FRMPD4: variants seen among roughly 807,000 people sequenced by gnomAD.
The protein encoded by FRMPD4 is FERM and PDZ domain-containing protein 4.
FRMPD4 carries 22 observed loss-of-function variants against 94.1 expected under a neutral mutation model. The ratio of observed to expected loss-of-function variants is 0.23; its 90% CI spans 0.17 to 0.33. FRMPD4 has a LOEUF of 0.33. FRMPD4 is among the 10% of genes least tolerant of loss of function. FRMPD4 has a pLI of 1.00. For missense variants in FRMPD4, 1,111 were observed against 1,339.9 expected (o/e 0.83, Z 2.67); for synonymous variants, 631 against 548.6 (o/e 1.15, Z -2.10).
At chrX:11,875,784 C>A (rs777034577) in intron 2 of FRMPD4, among the ~76,000 whole-genome samples, 1 of 110,727 alleles carries the variant, frequency 9.0e-6, no homozygotes, top group Non-Finnish European at 1.9e-5. Context: ...GACCCCCCTA[C>A]ACTAATCTCC....
At chrX:12,307,169 A>G (rs1743830568) in intron 1 of FRMPD4, among the ~76,000 whole-genome samples, 1 of 112,388 alleles carries the variant, frequency 8.9e-6, no homozygotes, top group Non-Finnish European at 1.9e-5. Flanking sequence ...GAAAGCCAGC[A>G]AGAAGCCATT....
chrX:11,995,072 A>AAC (rs3038254), intron 3 of FRMPD4, among the ~76,000 whole-genome samples: 9,006 of 111,454 alleles, frequency 0.081, 332 homozygotes, highest in East Asian at 0.24. Flanking sequence ...TTTCTATCAA[A>AAC]ACAGCTTGAA....
chrX:12,620,528 G>A (rs984476166), intron 4 of FRMPD4, among the ~76,000 whole-genome samples: 5 of 112,203 alleles, frequency 4.5e-5, no homozygotes, highest in African/African-American at 1.6e-4. Flanking sequence ...GTAACAGGCC[G>A]ATGATCTGTG....
chrX:12,356,266 A>C (rs1246153547), intron 1 of FRMPD4, among the ~76,000 whole-genome samples: 2 of 112,217 alleles, frequency 1.8e-5, no homozygotes, highest in Non-Finnish European at 3.8e-5. Context: ...CCATCTCCAA[A>C]TATGTCAAAG....
chrX:11,877,531 C>T (rs1368675854), intron 2 of FRMPD4, among the ~76,000 whole-genome samples: 1 of 112,042 alleles, frequency 8.9e-6, no homozygotes, highest in Non-Finnish European at 1.9e-5. Flanking sequence ...TCAGAGGGGT[C>T]AGCACAGAAC....
intron 1 of FRMPD4, among the ~76,000 whole-genome samples, chrX:11,855,122 G>A (rs758014265): frequency 4.4e-5 from 5 of 112,825 alleles, no homozygotes; most frequent in Non-Finnish European, 7.5e-5. Flanking sequence ...CTAAGGCTTG[G>A]TGCTTGCACC....
intron 1 of FRMPD4, among the ~76,000 whole-genome samples, chrX:12,206,079 T>C (rs2056689069): frequency 8.9e-6 from 1 of 112,188 alleles, no homozygotes; most frequent in Non-Finnish European, 1.9e-5. Flanking sequence ...TAAACCAAGA[T>C]AAACCTGGTG....
At chrX:11,847,582 C>T (rs961457954) in intron 1 of FRMPD4, among the ~76,000 whole-genome samples, 3 of 107,723 alleles carry the variant, frequency 2.8e-5, no homozygotes, top group Non-Finnish European at 5.7e-5. Context: ...CACATGCACA[C>T]GTATGTTTAT....
chrX:12,413,887 G>C (rs1386076007), intron 1 of FRMPD4, among the ~76,000 whole-genome samples: 3 of 111,965 alleles, frequency 2.7e-5, no homozygotes, highest in African/African-American at 9.7e-5. Flanking sequence ...CTCCAGAATT[G>C]TCAGCAATCT....
chrX:12,199,271 A>ATGTG (rs768931246), intron 1 of FRMPD4, among the ~76,000 whole-genome samples: 3 of 54,630 alleles, frequency 5.5e-5, no homozygotes, highest in Non-Finnish European at 9.9e-5. Flanking sequence ...GTGTGTGTGT[A>ATGTG]TGTGTGTGTG....
intron 1 of FRMPD4, among the ~76,000 whole-genome samples, chrX:12,203,232 C>G (rs192733381): frequency 9.0e-6 from 1 of 111,285 alleles, no homozygotes; most frequent in Admixed American, 9.5e-5. Context: ...AGGAAAGGAT[C>G]GAATATAGGG....
At chrX:12,090,591 A>T (rs1169047984) in intron 3 of FRMPD4, among the ~76,000 whole-genome samples, 3 of 110,732 alleles carry the variant, frequency 2.7e-5, no homozygotes, top group Non-Finnish European at 5.7e-5. Context: ...GGCTAGTCAG[A>T]ATGGGGGATT....
chrX:12,552,409 A>G (rs2058546589), intron 2 of FRMPD4, among the ~76,000 whole-genome samples: 1 of 111,581 alleles, frequency 9.0e-6, no homozygotes. Context: ...CTCAGCACCA[A>G]TATAAGTATT....
At chrX:12,659,985 T>C (rs2059698490) in intron 4 of FRMPD4, among the ~76,000 whole-genome samples, 1 of 111,922 alleles carries the variant, frequency 8.9e-6, no homozygotes, top group Non-Finnish European at 1.9e-5. Flanking sequence ...CAAAATACAA[T>C]AAAATAAAGA....
chrX:12,618,649 G>GA (rs1187110432), intron 4 of FRMPD4, among the ~76,000 whole-genome samples: 81 of 108,189 alleles, frequency 7.5e-4, no homozygotes, highest in African/African-American at 2.5e-3. Flanking sequence ...TGCAGATATT[G>GA]AAAAAAAAAC....
intron 2 of FRMPD4, chrX:12,583,430 G>C: frequency 1.7e-6 from 2 of 1,197,083 alleles, no homozygotes; most frequent in Admixed American, 2.2e-5. Context: ...ATGGCTTCCA[G>C]CAGCCGCGTC....
At chrX:12,220,934 C>T (rs895338144) in intron 1 of FRMPD4, among the ~76,000 whole-genome samples, 2 of 111,686 alleles carry the variant, frequency 1.8e-5, no homozygotes, top group African/African-American at 6.5e-5. Context: ...CAGTGTGAAC[C>T]TCTAGGGACA....
At chrX:12,195,057 A>G (rs2056550833) in intron 1 of FRMPD4, among the ~76,000 whole-genome samples, 1 of 112,462 alleles carries the variant, frequency 8.9e-6, no homozygotes, top group Non-Finnish European at 1.9e-5. Flanking sequence ...TGTGTGTTAC[A>G]TGTTAAATAC....
intron 1 of FRMPD4, among the ~76,000 whole-genome samples, chrX:12,462,831 A>G (rs774860418): frequency 7.2e-5 from 8 of 111,420 alleles, no homozygotes; most frequent in African/African-American, 2.6e-4. Flanking sequence ...TGTACAAAAA[A>G]TTTTAAAAAT....
Sources: gnomAD v4.1 joint callset for allele counts (sites outside exome capture counted in the v4.1 genomes callset) on GRCh38, gnomAD v4.1.1 for gene constraint, MANE v1.5 for transcripts, NCBI Gene and HGNC (gene_info 2026-07-23, HGNC 2026-07-21) for gene names.